The following NPHP3 variants were observed in gnomAD, a reference collection of about 807,000 sequenced individuals.
NPHP3 encodes nephrocystin-3.
Under a neutral mutation model 171.9 loss-of-function variants are expected in NPHP3, and 123 were observed. The ratio of observed to expected loss-of-function variants is 0.72; its 90% confidence interval spans 0.62 to 0.83. NPHP3 has a LOEUF of 0.83. NPHP3 is among the 40% of genes least tolerant of loss of function. The pLI, the probability that NPHP3 is intolerant of heterozygous loss-of-function variation, is 0.00. For synonymous variants in NPHP3, 558 were observed against 579.2 expected (o/e 0.96, Z 0.52); for missense variants, 1,506 against 1,591.9 (o/e 0.95, Z 0.92).
intron 10 of NPHP3, 92 bp downstream of exon 10, chr3:132,701,338 C>T: frequency 2.4e-6 from 2 of 834,466 alleles, no homozygotes; most frequent in South Asian, 1.4e-5. Flanking sequence ...TTAGTGTAGG[C>T]CGCGCAGGAA....
In NPHP3 at chr3:132,682,034, A is replaced by C. The variant is rs1292555795; in HGVS notation, c.3869T>G (p.Ile1290Arg). 2 of 1,613,968 alleles carry C rather than the reference A, an allele frequency of 1.2e-6. No homozygotes were observed. Among genetic ancestry groups the C allele is most frequent in the Non-Finnish European group, 1.7e-6 (2 of 1,179,914 alleles). Residue 1290 changes from isoleucine to arginine, a missense_variant, in exon 27 of 27, where the codon ATA becomes AGA. Transcript: ENST00000337331. ...CAAGAGTGATGTTTCTGCTTCTTTT[A>C]TTTCCATTGCCCTTTTGTATAATTC... ...AAELYKRAME[I>R]KEAETSLLGG...
chr3:132,686,177 T>G (rs1939157688), intron 23 of NPHP3, 83 bp downstream of exon 23: 1 of 1,470,272 alleles, frequency 6.8e-7, no homozygotes, highest in African/African-American at 1.4e-5. Context: ...TTTTCTAGCT[T>G]TAGACTTGAC....
chr3:132,686,112 TG>T, intron 23 of NPHP3, 147 bp downstream of exon 23: 1 of 754,946 alleles, frequency 1.3e-6, no homozygotes, highest in Non-Finnish European at 2.3e-6. Context: ...TTTAGGTATG[TG>T]TATGCTCATT....
chr3:132,682,533 C>T, intron 26 of NPHP3, 170 bp downstream of exon 26: 6 of 619,432 alleles, frequency 9.7e-6, no homozygotes, highest in Non-Finnish European at 1.4e-5. Context: ...ATCATGCAGG[C>T]TTCATTTCAT....
intron 4 of NPHP3, among the ~76,000 whole-genome samples, 185 bp downstream of exon 4, chr3:132,716,572 T>C (rs1940057846): frequency 6.6e-6 from 1 of 152,220 alleles, no homozygotes; most frequent in South Asian, 2.1e-4. Context: ...CTGATCACCA[T>C]ATGAATTATG....
chr3:132,703,998 C>T (rs973446999), intron 9 of NPHP3, among the ~76,000 whole-genome samples, 200 bp downstream of exon 9: 8 of 152,190 alleles, frequency 5.3e-5, no homozygotes, highest in African/African-American at 1.7e-4. Context: ...TAAAAATGTT[C>T]GGTCTTTATA....
intron 8 of NPHP3, 40 bp from the exon 9 acceptor site, chr3:132,704,411 A>G (rs1576675782): frequency 6.2e-7 from 1 of 1,613,036 alleles, no homozygotes; most frequent in Non-Finnish European, 8.5e-7. Flanking sequence ...GAATGAAGAA[A>G]ATAAAGATCT....
chr3:132,682,159 G>A (rs1179902787), intron 26 of NPHP3, 69 bp from the exon 27 acceptor site: 1 of 1,390,372 alleles, frequency 7.2e-7, no homozygotes, highest in African/African-American at 1.4e-5. Context: ...ATGACCTTAT[G>A]GGATACAGAA....
chr3:132,686,173 A>T, intron 23 of NPHP3, 87 bp downstream of exon 23: 1 of 1,425,260 alleles, frequency 7.0e-7, no homozygotes, highest in Non-Finnish European at 9.9e-7. Flanking sequence ...TTTTTTTTCT[A>T]GCTTTAGACT....
intron 19 of NPHP3, among the ~76,000 whole-genome samples, chr3:132,689,776 T>G (rs570848113): frequency 6.6e-6 from 1 of 152,346 alleles, no homozygotes; most frequent in East Asian, 1.9e-4. Flanking sequence ...GTAAGCTTAT[T>G]CATCTGTAGG....
intron 5 of NPHP3, 85 bp downstream of exon 5, chr3:132,715,000 G>A (rs1463468760): frequency 8.0e-6 from 9 of 1,131,526 alleles, no homozygotes; most frequent in Non-Finnish European, 1.2e-5. Flanking sequence ...AAACTATTTG[G>A]TTGAGATACA....
chr3:132,711,678 T>G (rs1271316532), intron 6 of NPHP3, among the ~76,000 whole-genome samples: 1 of 151,928 alleles, frequency 6.6e-6, no homozygotes. Context: ...GAAAAAATAA[T>G]GTAACAACAA....
chr3:132,682,681 G>A (rs751059465), intron 26 of NPHP3, 22 bp downstream of exon 26: 8 of 1,346,444 alleles, frequency 5.9e-6, no homozygotes, highest in Non-Finnish European at 8.5e-6. Context: ...GGCTGTATAA[G>A]GAAAGTGAAA....
At chr3:132,705,191 A>G in intron 8 of NPHP3, among the ~76,000 whole-genome samples, 1 of 152,088 alleles carries the variant, frequency 6.6e-6, no homozygotes, top group Non-Finnish European at 1.5e-5. Context: ...ATATAATTTA[A>G]AATTTTTTTA....
intron 23 of NPHP3, 176 bp downstream of exon 23, chr3:132,686,084 A>C: frequency 1.6e-6 from 1 of 607,582 alleles, no homozygotes; most frequent in East Asian, 3.0e-5. Flanking sequence ...GAAACACAGT[A>C]GAGAAAATGC....
rs369725128 is a variant in NPHP3 at position 132,704,297 on chromosome 3, A to G, written c.1425T>C (p.Asp475=). 1.7e-5 allele frequency: 27 copies of G among 1,614,036 alleles called. No homozygotes were observed. Among genetic ancestry groups the G allele is most frequent in the Non-Finnish European group, 2.2e-5 (26 of 1,180,014 alleles). Residue 475 remains aspartate, a synonymous_variant, in exon 9 of 27, where the codon GAT becomes GAC. Transcript: ENST00000337331. The stretch of plus-strand genomic sequence containing the variant: ...TGTCCCACAGAACATCACCAAAATC[A>G]TCTTCTTCTGGAATGGAATCCTCAC... ...LGSEDSIPEE[D]DFGDVLWDIH...
chr3:132,719,295 C>T (rs1940139451), intron 2 of NPHP3, 151 bp from the exon 3 acceptor site: 4 of 682,856 alleles, frequency 5.9e-6, no homozygotes, highest in East Asian at 5.4e-5. Context: ...AGTACCTTTA[C>T]CTTACTGTTT....
intron 16 of NPHP3, 188 bp from the exon 17 acceptor site, chr3:132,693,006 A>G (rs771620077): frequency 9.5e-5 from 56 of 591,904 alleles, no homozygotes; most frequent in Non-Finnish European, 1.5e-4. Context: ...AGATTAAGAT[A>G]GTGTATATAT....
chr3:132,711,602 C>T (rs1317388330), intron 6 of NPHP3, among the ~76,000 whole-genome samples: 2 of 151,882 alleles, frequency 1.3e-5, no homozygotes, highest in Non-Finnish European at 2.9e-5. Context: ...CATACTCTGT[C>T]ACCCAGAAAG....
Sources: gnomAD v4.1 joint callset for allele counts (sites outside exome capture counted in the v4.1 genomes callset) on GRCh38, gnomAD v4.1.1 for gene constraint, MANE v1.5 for transcripts, NCBI Gene and HGNC (gene_info 2026-07-23, HGNC 2026-07-21) for gene names.